RPS6KC1: variants seen among roughly 807,000 people sequenced by gnomAD.
RPS6KC1 encodes inactive ribosomal protein S6 kinase delta-1.
A neutral mutation model predicts 103.8 loss-of-function variants in RPS6KC1; 54 were observed. The ratio of observed to expected loss-of-function variants is 0.52; its 90% CI spans 0.42 to 0.65. RPS6KC1 has a LOEUF of 0.65. Among genes scored for constraint, RPS6KC1 ranks in the 30% least tolerant of loss-of-function variants. The pLI, the probability that RPS6KC1 is intolerant of heterozygous loss-of-function variation, is 0.00. For missense variants in RPS6KC1, 1,151 were observed against 1,253.8 expected, an observed-to-expected ratio of 0.92 and a Z score of 1.24; for synonymous variants, 439 against 438.7, an observed-to-expected ratio of 1.00 and a Z score of -0.01.
the RPS6KC1 span, among the ~76,000 whole-genome samples, chr1:213,382,010 G>A: frequency 6.6e-6 from 1 of 152,294 alleles, no homozygotes; most frequent in East Asian, 1.9e-4. Flanking sequence ...ATGGCACAGA[G>A]GCGAGTGTGC....
chr1:213,514,849 G>C, the RPS6KC1 span, among the ~76,000 whole-genome samples: 1 of 152,208 alleles, frequency 6.6e-6, no homozygotes, highest in African/African-American at 2.4e-5. Context: ...CCCACCAACA[G>C]TGTAAAAGTG....
At chr1:213,432,749 C>CT in the RPS6KC1 span, among the ~76,000 whole-genome samples, 2,788 of 147,302 alleles carry the variant, frequency 0.019, 52 homozygotes, top group African/African-American at 0.052. Flanking sequence ...AATCATTTCC[C>CT]TTTTTTTTTT....
chr1:213,346,332 A>G, the RPS6KC1 span, among the ~76,000 whole-genome samples: 7 of 152,208 alleles, frequency 4.6e-5, no homozygotes, highest in Non-Finnish European at 8.8e-5. Context: ...TGGACATTCA[A>G]CATTCTAAAG....
chr1:213,346,508 T>G, the RPS6KC1 span, among the ~76,000 whole-genome samples: 1 of 152,258 alleles, frequency 6.6e-6, no homozygotes, highest in South Asian at 2.1e-4. Flanking sequence ...AGAATTATGA[T>G]GAAAATGATC....
At chr1:213,186,897 C>T (rs568968256) in intron 8 of RPS6KC1, among the ~76,000 whole-genome samples, 347 of 152,232 alleles carry the variant, frequency 2.3e-3, no homozygotes, top group African/African-American at 8.0e-3. Context: ...TTTCTCAGTT[C>T]GAAGACTTCT....
the RPS6KC1 span, among the ~76,000 whole-genome samples, chr1:213,390,014 C>T: frequency 1.2e-4 from 19 of 152,170 alleles, no homozygotes; most frequent in Admixed American, 1.2e-3. Context: ...GCGGTAGGGA[C>T]GTCAGCTGCC....
At chr1:213,721,387 C>T in the RPS6KC1 span, among the ~76,000 whole-genome samples, 9 of 152,264 alleles carry the variant, frequency 5.9e-5, no homozygotes, top group African/African-American at 1.7e-4. Flanking sequence ...ATACCGTTCT[C>T]GTGGTAGTGA....
intron 8 of RPS6KC1, among the ~76,000 whole-genome samples, chr1:213,215,238 C>G (rs943862368): frequency 4.6e-5 from 7 of 152,158 alleles, no homozygotes; most frequent in African/African-American, 1.7e-4. Flanking sequence ...AATGCACAAG[C>G]TTCAGTAGCC....
the RPS6KC1 span, among the ~76,000 whole-genome samples, chr1:213,781,146 G>A: frequency 3.3e-5 from 5 of 152,170 alleles, no homozygotes; most frequent in South Asian, 2.1e-4. Flanking sequence ...AAGATGAAGC[G>A]CTAACTGTTC....
chr1:213,691,911 G>A, the RPS6KC1 span, among the ~76,000 whole-genome samples: 4 of 152,232 alleles, frequency 2.6e-5, no homozygotes, highest in Middle Eastern at 3.2e-3. Flanking sequence ...AAGGACAAGC[G>A]ACGCAGAAGA....
Position 213,204,747 on chromosome 1 carries a change from C to G in RPS6KC1, c.1045-25750C>G, listed in dbSNP as rs1375311310. ...CAAGGAATCCTTCTACTTCAGCCTC[C>G]TGTGTAGCCAGGACCACAGGTGTAT... On this transcript the variant is annotated intron_variant, in intron 8 of 14. Transcript: ENST00000366960. Among the ~76,000 whole-genome samples the G allele has an allele frequency of 2.0e-5, 3 of 151,738 alleles. No individual in the cohort carries two copies. The South Asian group carries it at 6.2e-4, about 32-fold the overall frequency.
chr1:213,516,929 G>T, the RPS6KC1 span, among the ~76,000 whole-genome samples: 1 of 152,078 alleles, frequency 6.6e-6, no homozygotes, highest in Non-Finnish European at 1.5e-5. Context: ...TATTCAGAGA[G>T]TCAACTTCTT....
chr1:213,099,954 A>G (rs996524427), intron 3 of RPS6KC1, among the ~76,000 whole-genome samples: 2 of 152,192 alleles, frequency 1.3e-5, no homozygotes, highest in African/African-American at 4.8e-5. Context: ...CTTTATATGG[A>G]CATATGTTTC....
chr1:213,236,761 C>T (rs896462783), intron 10 of RPS6KC1, among the ~76,000 whole-genome samples: 1 of 152,008 alleles, frequency 6.6e-6, no homozygotes, highest in African/African-American at 2.4e-5. Context: ...AATTAAAAGA[C>T]AGAAGTTGCA....
At chr1:213,054,932 C>G (rs527419304) in intron 1 of RPS6KC1, among the ~76,000 whole-genome samples, 1 of 152,166 alleles carries the variant, frequency 6.6e-6, no homozygotes, top group Non-Finnish European at 1.5e-5. Context: ...TTTCATCATG[C>G]TAAGTTTACA....
the RPS6KC1 span, among the ~76,000 whole-genome samples, chr1:213,410,905 A>T: frequency 5.3e-5 from 8 of 152,072 alleles, no homozygotes; most frequent in African/African-American, 1.9e-4. Flanking sequence ...CAGACTGAAG[A>T]TGTTGAAAAG....
chr1:213,283,073 C>T, the RPS6KC1 span, among the ~76,000 whole-genome samples: 1 of 152,154 alleles, frequency 6.6e-6, no homozygotes, highest in Non-Finnish European at 1.5e-5. Flanking sequence ...GTTATACATT[C>T]CTAAGGGCAG....
chr1:213,202,679 C>G (rs1313577278), intron 8 of RPS6KC1, among the ~76,000 whole-genome samples: 1 of 151,954 alleles, frequency 6.6e-6, no homozygotes, highest in African/African-American at 2.4e-5. Flanking sequence ...GTCAAAACCC[C>G]CTACAGTGAC....
chr1:213,272,473 T>A (rs2095067374), intron 14 of RPS6KC1, 51 bp from the exon 15 acceptor site: 14 of 1,409,996 alleles, frequency 9.9e-6, no homozygotes, highest in Non-Finnish European at 1.4e-5. Flanking sequence ...TTGGTTTTCC[T>A]TTGATTTGCC....
Sources: gnomAD v4.1 joint callset for allele counts (sites outside exome capture counted in the v4.1 genomes callset) on GRCh38, gnomAD v4.1.1 for gene constraint, MANE v1.5 for transcripts, NCBI Gene and HGNC (gene_info 2026-07-23, HGNC 2026-07-21) for gene names.